Variants in MAST4 observed in about 807,000 individuals in gnomAD.
The protein encoded by MAST4 is microtubule-associated serine/threonine-protein kinase 4.
A neutral mutation model predicts 162.7 loss-of-function variants in MAST4; 89 were observed. The ratio of observed to expected loss-of-function variants is 0.55; its 90% CI spans 0.46 to 0.65. MAST4 has a LOEUF of 0.65. MAST4 is among the 30% of genes least tolerant of loss of function. The pLI is 0.00. For synonymous variants in MAST4, 1,479 were observed against 1,361.1 expected (o/e 1.09, Z -1.91); for missense variants, 3,153 against 3,374.0 (o/e 0.93, Z 1.62).
At chr5:66,862,196 C>T (rs996425435) in intron 3 of MAST4, among the ~76,000 whole-genome samples, 7 of 152,162 alleles carry the variant, frequency 4.6e-5, no homozygotes, top group African/African-American at 1.7e-4. Context: ...TTGGGTACAA[C>T]TTAGAGCTAT....
At chr5:66,660,466 A>G (rs1390297439) in intron 1 of MAST4, among the ~76,000 whole-genome samples, 1 of 152,206 alleles carries the variant, frequency 6.6e-6, no homozygotes, top group African/African-American at 2.4e-5. Context: ...TAGCCTCTCT[A>G]TTCTCCAAAA....
chr5:66,641,643 A>C (rs893561727), intron 1 of MAST4, among the ~76,000 whole-genome samples: 1 of 152,198 alleles, frequency 6.6e-6, no homozygotes, highest in Non-Finnish European at 1.5e-5. Context: ...GAAAATATAA[A>C]TGATGAATCA....
intron 1 of MAST4, among the ~76,000 whole-genome samples, chr5:66,739,579 C>T (rs542332312): frequency 6.1e-4 from 93 of 152,296 alleles, no homozygotes; most frequent in African/African-American, 2.0e-3. Context: ...TATCTCTCAA[C>T]GCCCTGGGGT....
chr5:67,096,106 G>GA (rs372383229), intron 7 of MAST4, among the ~76,000 whole-genome samples: 2,380 of 143,376 alleles, frequency 0.017, 40 homozygotes, highest in African/African-American at 0.044. Context: ...CTCCTTCAAA[G>GA]AAAAAAAAAA....
intron 3 of MAST4, among the ~76,000 whole-genome samples, chr5:66,809,242 A>C (rs1756357277): frequency 6.6e-6 from 1 of 152,238 alleles, no homozygotes; most frequent in African/African-American, 2.4e-5. Flanking sequence ...GAGAAAACTT[A>C]AGTGGAGCTG....
rs1023805256 is a variant in MAST4 at position 66,902,077 on chromosome 5, C to T, written c.674+2095C>T. On this transcript the variant is annotated intron_variant, in intron 4 of 28. Coordinates refer to ENST00000403625, the MANE Select transcript of MAST4 (RefSeq NM_001164664.2). ...TCTTAGTTTATTTACTGCATACATG[C>T]CTCCTCCATAAATGCTTTGAAATCT... is the stretch of plus-strand genomic sequence containing the variant. Among the ~76,000 whole-genome samples the T allele has an allele frequency of 3.3e-5, 5 of 152,166 alleles. No homozygotes were observed. In the East Asian group the frequency reaches 9.6e-4, roughly 29 times the overall value.
chr5:66,649,744 C>T (rs1293742884), intron 1 of MAST4, among the ~76,000 whole-genome samples: 2 of 152,076 alleles, frequency 1.3e-5, no homozygotes, highest in South Asian at 2.1e-4. Context: ...CTGTTTCTTA[C>T]TCCTCTGTAA....
chr5:66,875,417 A>T (rs1486819467), intron 3 of MAST4, among the ~76,000 whole-genome samples: 1 of 152,208 alleles, frequency 6.6e-6, no homozygotes, highest in Non-Finnish European at 1.5e-5. Flanking sequence ...ATGAGCATGA[A>T]TCTCATTTCT....
At chr5:66,904,833 G>T (rs1763239570) in intron 4 of MAST4, among the ~76,000 whole-genome samples, 1 of 149,474 alleles carries the variant, frequency 6.7e-6, no homozygotes, top group Non-Finnish European at 1.5e-5. Context: ...TATATTGCAT[G>T]ACACTAAGGT....
At chr5:66,815,814 A>G (rs555637270) in intron 3 of MAST4, among the ~76,000 whole-genome samples, 1 of 152,308 alleles carries the variant, frequency 6.6e-6, no homozygotes, top group African/African-American at 2.4e-5. Context: ...TGAAGTGTAC[A>G]ATTAACAGGC....
intron 3 of MAST4, among the ~76,000 whole-genome samples, chr5:66,806,616 T>C (rs1325448134): frequency 6.6e-6 from 1 of 152,212 alleles, no homozygotes; most frequent in Admixed American, 6.5e-5. Flanking sequence ...ATTAGATAAC[T>C]TCTGCATTCT....
At chr5:66,995,754 T>C (rs1055078550) in intron 4 of MAST4, among the ~76,000 whole-genome samples, 3 of 152,058 alleles carry the variant, frequency 2.0e-5, no homozygotes, top group Non-Finnish European at 4.4e-5. Context: ...CTCATATGTG[T>C]AATCCCAACA....
chr5:67,078,888 A>T lies in MAST4; in HGVS notation c.764-11274A>T, dbSNP rs6896853. 6.7e-5 allele frequency among the ~76,000 whole-genome samples: 6 copies of T among 89,054 alleles called. 1 individual carries two copies. The highest frequency in any genetic ancestry group is 2.0e-4 in the African/African-American group (4 of 19,886). The allele number at this position is 89,054 out of a possible 152,430, so 58.4% of individuals were successfully genotyped here. On this transcript the variant is annotated intron_variant, in intron 5 of 28. Coordinates refer to ENST00000403625, the MANE Select transcript of MAST4 (RefSeq NM_001164664.2). The stretch of plus-strand genomic sequence containing the variant: ...AATATATATTTATATAAATATATTT[A>T]TATATTTATATATTTTTATATAAAT...
intron 3 of MAST4, among the ~76,000 whole-genome samples, chr5:66,796,887 G>A (rs1030978714): frequency 9.2e-5 from 14 of 152,176 alleles, no homozygotes; most frequent in Admixed American, 9.2e-4. Flanking sequence ...TCTGTGGTTA[G>A]TACTTAGAAA....
At chr5:66,962,950 A>G (rs1318509881) in intron 4 of MAST4, among the ~76,000 whole-genome samples, 1 of 152,158 alleles carries the variant, frequency 6.6e-6, no homozygotes, top group Non-Finnish European at 1.5e-5. Flanking sequence ...CTCCCTAAAA[A>G]AAGAGACATG....
chr5:67,020,786 A>G (rs1426841755), intron 4 of MAST4, among the ~76,000 whole-genome samples: 3 of 152,158 alleles, frequency 2.0e-5, no homozygotes, highest in African/African-American at 7.2e-5. Flanking sequence ...TTGTACCATA[A>G]GTAAAATGGA....
Position 67,130,294 on chromosome 5 carries a change from C to T in MAST4, c.1830C>T (p.Asn610=), listed in dbSNP as rs1581665986. Residue 610 remains asparagine, a synonymous_variant, in exon 15 of 29, where the codon AAC becomes AAT. Transcript: ENST00000403625. ...KINKQNLILR[N]QIQQAFVERD... ...ATAAACAGAACCTCATCCTTCGAAACCAGATCCAGCAGGCCTTTGTGGAGC... is the reference window on the plus strand; with the variant it reads ...ATAAACAGAACCTCATCCTTCGAAATCAGATCCAGCAGGCCTTTGTGGAGC... 1 of 1,613,878 alleles carries T rather than the reference C, an allele frequency of 6.2e-7. No individual in the cohort carries two copies. The highest frequency in any genetic ancestry group is 1.3e-5 in the African/African-American group (1 of 75,030).
At chr5:66,941,481 G>A (rs746688046) in intron 4 of MAST4, among the ~76,000 whole-genome samples, 9 of 152,116 alleles carry the variant, frequency 5.9e-5, no homozygotes, top group Non-Finnish European at 8.8e-5. Flanking sequence ...CTTAGCTCTC[G>A]TAGAATTGAA....
intron 4 of MAST4, among the ~76,000 whole-genome samples, chr5:66,912,093 T>C (rs937966880): frequency 6.6e-6 from 1 of 152,190 alleles, no homozygotes; most frequent in Non-Finnish European, 1.5e-5. Flanking sequence ...TTTAGGAAAT[T>C]GAGCAGGGCA....
Sources: gnomAD v4.1 joint callset for allele counts (sites outside exome capture counted in the v4.1 genomes callset) on GRCh38, gnomAD v4.1.1 for gene constraint, MANE v1.5 for transcripts, NCBI Gene and HGNC (gene_info 2026-07-23, HGNC 2026-07-21) for gene names.